TMCO4: variants seen among roughly 807,000 people sequenced by gnomAD.
The protein encoded by TMCO4 is transmembrane and coiled-coil domains 4, also known as transmembrane and coiled-coil domain-containing protein 4.
Under a neutral mutation model 64.7 loss-of-function variants are expected in TMCO4, and 58 were observed. The ratio of observed to expected loss-of-function variants is 0.90; its 90% CI spans 0.73 to 1.12. TMCO4 has a LOEUF of 1.12. TMCO4 is among the 50% of genes most tolerant of loss of function. The pLI is 0.00. For missense variants in TMCO4, 780 were observed against 825.9 expected (o/e 0.94, Z 0.68); for synonymous variants, 325 against 346.1 (o/e 0.94, Z 0.68).
intron 4 of TMCO4, among the ~76,000 whole-genome samples, chr1:19,775,275 C>A (rs2043158019): frequency 6.6e-6 from 1 of 152,178 alleles, no homozygotes; most frequent in African/African-American, 2.4e-5. Flanking sequence ...TGAGATTTCA[C>A]CATGTTGGCC....
intron 13 of TMCO4, among the ~76,000 whole-genome samples, chr1:19,717,877 C>CT (rs1020484138): frequency 6.6e-6 from 1 of 152,150 alleles, no homozygotes; most frequent in Admixed American, 6.5e-5. Context: ...GTTGTAGGCT[C>CT]TTTGAGGGCA....
chr1:19,713,496 G>C (rs577419186), intron 13 of TMCO4, among the ~76,000 whole-genome samples: 1 of 152,214 alleles, frequency 6.6e-6, no homozygotes, highest in African/African-American at 2.4e-5. Context: ...GCTAAGGCAG[G>C]ATCCACATAA....
chr1:19,700,241 A>G (rs1399362370), intron 14 of TMCO4, among the ~76,000 whole-genome samples: 2 of 151,908 alleles, frequency 1.3e-5, no homozygotes, highest in Non-Finnish European at 2.9e-5. Context: ...CTCTGGCTGG[A>G]GGGTCTGTCA....
At chr1:19,733,875 C>T (rs147021737) in intron 13 of TMCO4, among the ~76,000 whole-genome samples, 1,589 of 152,030 alleles carry the variant, frequency 0.01, 27 homozygotes, top group African/African-American at 0.036. Context: ...CCGTGTGATT[C>T]AGGCAAATCC....
intron 15 of TMCO4, among the ~76,000 whole-genome samples, chr1:19,688,271 A>G (rs1472136360): frequency 6.6e-6 from 1 of 151,902 alleles, no homozygotes; most frequent in Non-Finnish European, 1.5e-5. Context: ...ACCACTTCTC[A>G]CTCACCTCTG....
At chr1:19,731,108 G>A (rs2095428108) in intron 13 of TMCO4, among the ~76,000 whole-genome samples, 1 of 152,158 alleles carries the variant, frequency 6.6e-6, no homozygotes, top group Admixed American at 6.5e-5. Flanking sequence ...ATCTGGAGGT[G>A]TGAAGATGCC....
chr1:19,698,727 C>G (rs2095252449), intron 14 of TMCO4, among the ~76,000 whole-genome samples: 1 of 152,214 alleles, frequency 6.6e-6, no homozygotes. Context: ...CTTCTTCCTT[C>G]TCTTTCTCCT....
chr1:19,799,724 G>C (rs2044509513), intron 1 of TMCO4, 131 bp downstream of exon 1: 1 of 152,262 alleles, frequency 6.6e-6, no homozygotes, highest in African/African-American at 2.4e-5. Context: ...TCCCCGGGGT[G>C]GAGGGCGGGG....
intron 13 of TMCO4, among the ~76,000 whole-genome samples, chr1:19,726,750 G>T (rs529992046): frequency 1.4e-4 from 21 of 152,310 alleles, no homozygotes; most frequent in South Asian, 6.2e-4. Flanking sequence ...ATAATTGTGA[G>T]CTGGCCAGAG....
intron 13 of TMCO4, among the ~76,000 whole-genome samples, chr1:19,703,415 C>T (rs1267177765): frequency 6.6e-6 from 1 of 151,916 alleles, no homozygotes; most frequent in African/African-American, 2.4e-5. Context: ...GCACTCTCTT[C>T]CTTTCCCTTC....
At chr1:19,741,903 A>C (rs1386555294) in intron 10 of TMCO4, among the ~76,000 whole-genome samples, 3 of 151,428 alleles carry the variant, frequency 2.0e-5, no homozygotes, top group African/African-American at 7.3e-5. Context: ...AACCTGGCTA[A>C]TTTTTGTGTA....
chr1:19,787,394 C>G (rs1008983028), intron 2 of TMCO4, among the ~76,000 whole-genome samples: 1 of 152,242 alleles, frequency 6.6e-6, no homozygotes, highest in African/African-American at 2.4e-5. Context: ...CCTTGTTCAA[C>G]TCTCTGTACC....
chr1:19,791,346 G>A (rs961477265), intron 2 of TMCO4, among the ~76,000 whole-genome samples: 62 of 151,616 alleles, frequency 4.1e-4, no homozygotes, highest in Middle Eastern at 3.4e-3. Flanking sequence ...AAAAAAAAAA[G>A]GAAAAGAAAA....
At chr1:19,729,769 T>A (rs541153686) in intron 13 of TMCO4, among the ~76,000 whole-genome samples, 2 of 151,960 alleles carry the variant, frequency 1.3e-5, no homozygotes, top group Admixed American at 6.6e-5. Flanking sequence ...TCTCAAAAAA[T>A]AAATAAATAA....
intron 2 of TMCO4, among the ~76,000 whole-genome samples, chr1:19,791,266 C>T (rs2044019678): frequency 6.6e-6 from 1 of 151,570 alleles, no homozygotes; most frequent in Non-Finnish European, 1.5e-5. Context: ...CACATGTTTA[C>T]CTATGTAACA....
intron 15 of TMCO4, among the ~76,000 whole-genome samples, 172 bp from the exon 16 acceptor site, chr1:19,683,616 GGCTCTATGTTCAAA>G (rs2095121774): frequency 6.6e-6 from 1 of 152,180 alleles, no homozygotes; most frequent in South Asian, 2.1e-4. Flanking sequence ...TGGGTGGGAA[GGCTCTATGTTCAAA>G]GCTGTTCTAG....
chr1:19,785,541 C>T (rs889722780), intron 3 of TMCO4, among the ~76,000 whole-genome samples: 4 of 152,190 alleles, frequency 2.6e-5, no homozygotes, highest in African/African-American at 9.7e-5. Flanking sequence ...GTGGGAAGCC[C>T]TGTTCTGGGC....
chr1:19,796,314 G>A (rs559865647), intron 2 of TMCO4, among the ~76,000 whole-genome samples: 4 of 152,142 alleles, frequency 2.6e-5, no homozygotes, highest in East Asian at 1.9e-4. Context: ...GGGTTGCCAC[G>A]CACCTCCCTG....
At chr1:19,696,753 A>G (rs2095239889) in intron 14 of TMCO4, among the ~76,000 whole-genome samples, 1 of 152,128 alleles carries the variant, frequency 6.6e-6, no homozygotes. Context: ...ATTCCTCCAA[A>G]ATTATTTCTG....
Sources: gnomAD v4.1 joint callset for allele counts (sites outside exome capture counted in the v4.1 genomes callset) on GRCh38, gnomAD v4.1.1 for gene constraint, MANE v1.5 for transcripts, NCBI Gene and HGNC (gene_info 2026-07-23, HGNC 2026-07-21) for gene names.